The following SORT1 variants were observed in gnomAD, a reference collection of about 807,000 sequenced individuals.
SORT1 encodes sortilin.
Under a neutral mutation model 101.7 loss-of-function variants are expected in SORT1, and 39 were observed. The observed-to-expected ratio is 0.38, with a 90% CI of 0.30 to 0.50. The LOEUF is 0.50. SORT1 is among the 20% of genes least tolerant of loss of function. The pLI is 0.90. For synonymous variants in SORT1, 396 were observed against 393.7 expected (o/e 1.01, Z -0.07); for missense variants, 878 against 1,040.4 (o/e 0.84, Z 2.15).
chr1:109,393,390 T>C (rs950321045), intron 1 of SORT1: 1 of 782,728 alleles, frequency 1.3e-6, no homozygotes, highest in African/African-American at 1.9e-5. Context: ...AAATGGTCTG[T>C]ACACAGGAAT....
intron 15 of SORT1, among the ~76,000 whole-genome samples, chr1:109,322,434 C>T (rs1253774325): frequency 6.6e-6 from 1 of 152,168 alleles, no homozygotes; most frequent in Non-Finnish European, 1.5e-5. Context: ...CTGTCTAATA[C>T]GTGCTATCTG....
chr1:109,396,134 C>G (rs1242700588), intron 1 of SORT1, among the ~76,000 whole-genome samples: 2 of 151,956 alleles, frequency 1.3e-5, no homozygotes, highest in Non-Finnish European at 2.9e-5. Flanking sequence ...GTGGTGCACA[C>G]CTGTAGTCCC....
At chr1:109,373,143 C>T (rs752063762) in intron 1 of SORT1, among the ~76,000 whole-genome samples, 2 of 152,082 alleles carry the variant, frequency 1.3e-5, no homozygotes, top group South Asian at 4.1e-4. Context: ...GCACAAAGGA[C>T]GACGATTCCT....
chr1:109,334,837 T>G (rs1049316674), intron 11 of SORT1, among the ~76,000 whole-genome samples: 4 of 152,064 alleles, frequency 2.6e-5, no homozygotes, highest in Admixed American at 2.6e-4. Context: ...AAAAAAGAAA[T>G]GTATTGTCAG....
intron 5 of SORT1, among the ~76,000 whole-genome samples, chr1:109,353,810 T>C (rs1253430376): frequency 6.6e-6 from 1 of 152,126 alleles, no homozygotes; most frequent in African/African-American, 2.4e-5. Flanking sequence ...AAGGAGAAGC[T>C]GAATGTGTTC....
intron 5 of SORT1, among the ~76,000 whole-genome samples, chr1:109,352,062 T>C (rs1008364457): frequency 6.6e-6 from 1 of 151,550 alleles, no homozygotes; most frequent in Non-Finnish European, 1.5e-5. Context: ...GGTTGGGGTA[T>C]AGGATGCATT....
In SORT1 at chr1:109,323,130, G is replaced by A. The variant is rs1647752824; in HGVS notation, c.1835-9C>T. Reference sequence around the variant, plus strand: ...ATAGTCCTTCTCTTCACCTAAAGGAGAGACACACTGTTCAGGAAAGTACAC... The same window carrying A: ...ATAGTCCTTCTCTTCACCTAAAGGAAAGACACACTGTTCAGGAAAGTACAC... On this transcript the variant is annotated splice_polypyrimidine_tract_variant and intron_variant, in intron 14 of 19. Coordinates refer to ENST00000256637, the MANE Select transcript of SORT1 (RefSeq NM_002959.7). 1 of 1,609,974 alleles carries A rather than the reference G, an allele frequency of 6.2e-7. No individual in the cohort carries two copies. The highest frequency in any genetic ancestry group is 8.5e-7 in the Non-Finnish European group (1 of 1,176,444).
chr1:109,345,434 T>C (rs1222466950), intron 8 of SORT1, among the ~76,000 whole-genome samples: 1 of 151,754 alleles, frequency 6.6e-6, no homozygotes, highest in East Asian at 1.9e-4. Context: ...TGAATTGCTT[T>C]AATCTGGGAG....
At chr1:109,323,246 C>A in intron 14 of SORT1, 125 bp from the exon 15 acceptor site, 1 of 655,938 alleles carries the variant, frequency 1.5e-6, no homozygotes, top group Non-Finnish European at 2.6e-6. Context: ...CCTATTCCTT[C>A]ATTTTGGAAT....
intron 11 of SORT1, among the ~76,000 whole-genome samples, chr1:109,329,101 C>T (rs1021827498): frequency 1.3e-5 from 2 of 152,180 alleles, no homozygotes; most frequent in African/African-American, 4.8e-5. Flanking sequence ...GTTGCCCCCC[C>T]AAGAATCTCT....
chr1:109,343,057 C>T (rs539724299), intron 8 of SORT1, among the ~76,000 whole-genome samples: 59 of 152,070 alleles, frequency 3.9e-4, no homozygotes, highest in Non-Finnish European at 6.2e-4. Flanking sequence ...CAGCATTATA[C>T]CATATATGCA....
At chr1:109,318,146 G>A (rs1023872880) in intron 15 of SORT1, among the ~76,000 whole-genome samples, 177 bp from the exon 16 acceptor site, 17 of 151,908 alleles carry the variant, frequency 1.1e-4, no homozygotes, top group African/African-American at 4.1e-4. Context: ...AAACAGACAC[G>A]GAGAGGGCCT....
intron 12 of SORT1, 101 bp from the exon 13 acceptor site, chr1:109,327,261 C>T (rs1648139532): frequency 9.3e-7 from 1 of 1,073,440 alleles, no homozygotes; most frequent in Non-Finnish European, 1.3e-6. Context: ...CTGATTATTT[C>T]CCATCAAGCC....
intron 13 of SORT1, among the ~76,000 whole-genome samples, chr1:109,326,590 C>CAT (rs746122783): frequency 4.8e-4 from 70 of 144,928 alleles, no homozygotes; most frequent in Middle Eastern, 7.2e-3. Flanking sequence ...TACACACACA[C>CAT]ATATATATAT....
At chr1:109,348,923 C>T (rs1438952726) in intron 6 of SORT1, among the ~76,000 whole-genome samples, 1 of 152,014 alleles carries the variant, frequency 6.6e-6, no homozygotes, top group East Asian at 1.9e-4. Context: ...GAGCAGAGAT[C>T]GTGCCACTAC....
intron 5 of SORT1, among the ~76,000 whole-genome samples, chr1:109,354,016 T>C (rs1030943637): frequency 2.0e-5 from 3 of 152,192 alleles, no homozygotes; most frequent in African/African-American, 7.2e-5. Context: ...TGTTTGATCA[T>C]AGAAAAGGAA....
intron 11 of SORT1, among the ~76,000 whole-genome samples, chr1:109,332,700 C>T (rs1417535878): frequency 1.3e-5 from 2 of 152,112 alleles, no homozygotes; most frequent in East Asian, 3.9e-4. Context: ...ATCATGCTAC[C>T]TAATTTCAAA....
At chr1:109,337,503 G>A (rs1481134443) in intron 10 of SORT1, among the ~76,000 whole-genome samples, 4 of 152,104 alleles carry the variant, frequency 2.6e-5, no homozygotes, top group South Asian at 4.2e-4. Context: ...TCAGCCTCCC[G>A]AAGTGCTGGG....
chr1:109,316,092 C>A (rs1647206878), intron 17 of SORT1, among the ~76,000 whole-genome samples: 1 of 152,044 alleles, frequency 6.6e-6, no homozygotes, highest in African/African-American at 2.4e-5. Context: ...TCAAAACCAG[C>A]CCATTACCAT....
Sources: gnomAD v4.1 joint callset for allele counts (sites outside exome capture counted in the v4.1 genomes callset) on GRCh38, gnomAD v4.1.1 for gene constraint, MANE v1.5 for transcripts, NCBI Gene and HGNC (gene_info 2026-07-23, HGNC 2026-07-21) for gene names.